INPP5A: variants seen among roughly 807,000 people sequenced by gnomAD.
The protein encoded by INPP5A is inositol polyphosphate-5-phosphatase A.
INPP5A carries 14 observed loss-of-function variants against 65.2 expected under a neutral mutation model. The observed-to-expected ratio is 0.21, with a 90% CI of 0.14 to 0.34. INPP5A has a LOEUF of 0.34. INPP5A is among the 10% of genes least tolerant of loss of function. INPP5A has a pLI of 1.00. For missense variants in INPP5A, 431 were observed against 545.6 expected, an observed-to-expected ratio of 0.79 and a Z score of 2.09; for synonymous variants, 207 against 208.3, an observed-to-expected ratio of 0.99 and a Z score of 0.05.
chr10:132,593,870 G>T (rs1178335105), intron 1 of INPP5A, among the ~76,000 whole-genome samples: 1 of 152,108 alleles, frequency 6.6e-6, no homozygotes, highest in African/African-American at 2.4e-5. Flanking sequence ...CTTATATGTT[G>T]CAACTGTAAC....
chr10:132,608,281 C>T (rs1195155611), intron 2 of INPP5A, among the ~76,000 whole-genome samples: 4 of 152,208 alleles, frequency 2.6e-5, no homozygotes, highest in African/African-American at 7.2e-5. Flanking sequence ...CCAGTGGGGC[C>T]GTGGAGAGCT....
At chr10:132,728,678 G>A (rs1846029464) in intron 9 of INPP5A, among the ~76,000 whole-genome samples, 1 of 152,256 alleles carries the variant, frequency 6.6e-6, no homozygotes, top group African/African-American at 2.4e-5. Context: ...AAAGACCAAA[G>A]CCGATCAATC....
In INPP5A at chr10:132,704,301, C is replaced by T. The variant is rs934155280; in HGVS notation, c.475-4012C>T. ...CACCCAGTTACTGTAGATTTGTCAC[C>T]AGTCACACGTCCAGCCTTCTCCCAT... is the stretch of plus-strand genomic sequence containing the variant. On this transcript the variant is annotated intron_variant, in intron 6 of 15. Coordinates refer to ENST00000368594, the MANE Select transcript of INPP5A (RefSeq NM_005539.5). This position sits in a 1 kb window ranked among gnomAD's most constrained non-coding sequence, Gnocchi z 4.5. 6.6e-6 allele frequency among the ~76,000 whole-genome samples: 1 copy of T among 152,240 alleles called. No individual in the cohort carries two copies. The highest frequency in any genetic ancestry group is 1.5e-5 in the Non-Finnish European group (1 of 68,048).
rs548739778 is a variant in INPP5A at position 132,545,160 on chromosome 10, C to T, written c.75+6989C>T. On this transcript the variant is annotated intron_variant, in intron 1 of 15. Coordinates refer to ENST00000368594, the MANE Select transcript of INPP5A (RefSeq NM_005539.5). The surrounding 1 kb of genome is among the most constrained non-coding windows in gnomAD (Gnocchi z 4.6). ...GTGGAGCAGGGCAGAGGGCCCCGCACGGCTCTGGGATGGCTGTGCTCGGTG... is the reference window on the plus strand; with the variant it reads ...GTGGAGCAGGGCAGAGGGCCCCGCATGGCTCTGGGATGGCTGTGCTCGGTG... 9.2e-5 allele frequency among the ~76,000 whole-genome samples: 14 copies of T among 152,048 alleles called. 1 individual carries two copies. Among genetic ancestry groups the T allele is most frequent in the African/African-American group, 1.4e-4 (6 of 41,474 alleles).
chr10:132,748,318 G>A (rs943428365), intron 9 of INPP5A, among the ~76,000 whole-genome samples: 2 of 152,226 alleles, frequency 1.3e-5, no homozygotes, highest in East Asian at 3.8e-4. Flanking sequence ...ACCCACACCA[G>A]CGATGCAGAA....
intron 1 of INPP5A, among the ~76,000 whole-genome samples, chr10:132,581,939 G>A (rs1275718054): frequency 1.3e-5 from 2 of 151,926 alleles, no homozygotes; most frequent in Non-Finnish European, 2.9e-5. Context: ...CTGGGTTCAT[G>A]CCATTCTCCT....
At chr10:132,635,413 T>TTTTTG (rs57045611) in intron 2 of INPP5A, among the ~76,000 whole-genome samples, 2 of 138,480 alleles carry the variant, frequency 1.4e-5, no homozygotes, top group African/African-American at 5.4e-5. Flanking sequence ...TTTTTTTTTT[T>TTTTTG]GAGACGGAGT....
chr10:132,728,480 G>A (rs1224808529), intron 9 of INPP5A, among the ~76,000 whole-genome samples: 2 of 152,210 alleles, frequency 1.3e-5, no homozygotes, highest in African/African-American at 4.8e-5. Context: ...GCGGGGCCCT[G>A]TCATAGGCTC....
intron 2 of INPP5A, among the ~76,000 whole-genome samples, chr10:132,611,533 C>T (rs2071950582): frequency 7.2e-6 from 1 of 138,172 alleles, no homozygotes; most frequent in Non-Finnish European, 1.6e-5. Flanking sequence ...GGGCGAGGCC[C>T]TGTCAGGGGA....
chr10:132,597,591 G>T (rs1432504897), intron 1 of INPP5A, among the ~76,000 whole-genome samples: 1 of 152,228 alleles, frequency 6.6e-6, no homozygotes, highest in Admixed American at 6.5e-5. Context: ...ACATGTTGGG[G>T]ATATGTTTAT....
rs1410403632 is a variant in INPP5A, at chr10:132,650,283, C to T, written c.219-135C>T. The T allele has an allele frequency of 4.5e-6, 3 of 665,256 alleles. No individual in the cohort carries two copies. Among genetic ancestry groups the T allele is most frequent in the Non-Finnish European group, 8.2e-6 (3 of 365,370 alleles). 41.2% of individuals were successfully genotyped at this position (665,256 alleles called of 1,614,324 possible). ...GCGGTGGCTGCCGCCATTCCCTGCCCTCTGCCTGTCACGGGTGGATGGTCT... is the reference window on the plus strand; with the variant it reads ...GCGGTGGCTGCCGCCATTCCCTGCCTTCTGCCTGTCACGGGTGGATGGTCT... On this transcript the variant is annotated intron_variant, in intron 3 of 15. Transcript: ENST00000368594. The surrounding 1 kb of genome is among the most constrained non-coding windows in gnomAD (Gnocchi z 5.5).
intron 1 of INPP5A, among the ~76,000 whole-genome samples, chr10:132,543,049 T>C (rs962042565): frequency 6.6e-6 from 1 of 152,052 alleles, no homozygotes; most frequent in Non-Finnish European, 1.5e-5. Flanking sequence ...GCTCAAGCAG[T>C]GCTCTCATCT....
At chr10:132,750,455 T>A (rs1038448516) in intron 11 of INPP5A, among the ~76,000 whole-genome samples, 2 of 152,198 alleles carry the variant, frequency 1.3e-5, no homozygotes, top group Non-Finnish European at 2.9e-5. Context: ...CAGCCCCGGC[T>A]GCTGGACCTG....
At chr10:132,723,557 G>T (rs868009135) in intron 8 of INPP5A, among the ~76,000 whole-genome samples, 18 of 127,384 alleles carry the variant, frequency 1.4e-4, no homozygotes, top group African/African-American at 5.0e-4. Context: ...GGGATTGGCC[G>T]TGTGGGGATT....
chr10:132,539,079 C>T (rs552515966), intron 1 of INPP5A, among the ~76,000 whole-genome samples: 1 of 152,166 alleles, frequency 6.6e-6, no homozygotes, highest in Non-Finnish European at 1.5e-5. Context: ...CAAGCTCCTG[C>T]CCCTGAATCC....
At chr10:132,764,835 C>A (rs1846809397) in intron 11 of INPP5A, among the ~76,000 whole-genome samples, 1 of 135,046 alleles carries the variant, frequency 7.4e-6, no homozygotes, top group South Asian at 2.4e-4. Flanking sequence ...TGTGTGGTGA[C>A]ACTCAGAAAC....
At chr10:132,621,228 C>G (rs1336632094) in intron 2 of INPP5A, among the ~76,000 whole-genome samples, 1 of 152,318 alleles carries the variant, frequency 6.6e-6, no homozygotes, top group Non-Finnish European at 1.5e-5. Context: ...GGCAAGGCTG[C>G]CTGATCTTAC....
In INPP5A at chr10:132,677,414, G is replaced by A. The variant is rs77355756; in HGVS notation, c.307-12978G>A. 1.4e-3 allele frequency among the ~76,000 whole-genome samples: 220 copies of A among 152,348 alleles called. 7 individuals are homozygous for A. The East Asian group carries it at 0.04, about 28-fold the overall frequency. ...TGGCACAGAGGAAGGAGAAAGTGCC[G>A]GGTGCATATTTGTGGAATGTGAGTG... On this transcript the variant is annotated intron_variant, in intron 4 of 15. Transcript: ENST00000368594.
chr10:132,652,156 A>C (rs372266659), intron 4 of INPP5A, among the ~76,000 whole-genome samples: 1 of 152,040 alleles, frequency 6.6e-6, no homozygotes, highest in African/African-American at 2.4e-5. Flanking sequence ...CCATGACCCA[A>C]CGTAATGTGT....
Sources: allele counts gnomAD v4.1 joint callset (sites outside exome capture counted in the v4.1 genomes callset), GRCh38; gene constraint gnomAD v4.1.1; non-coding constraint Gnocchi (gnomAD v3.1); transcripts MANE v1.5; gene names NCBI Gene and HGNC (gene_info 2026-07-23, HGNC 2026-07-21).